PTPRS: variants seen among roughly 807,000 people sequenced by gnomAD.
PTPRS encodes protein tyrosine phosphatase receptor type S.
In PTPRS, 63 loss-of-function variants were observed where a neutral mutation model predicts 215.3. That is an observed-to-expected ratio of 0.29 (90% CI 0.24 to 0.36). The LOEUF (loss-of-function observed/expected upper bound fraction) is 0.36. PTPRS is among the 10% of genes least tolerant of loss of function. The probability of loss-of-function intolerance (pLI) is 1.00; values close to 1 mark genes in which losing one functional copy is unlikely to be tolerated. For missense variants in PTPRS, 2,258 were observed against 2,825.8 expected, an observed-to-expected ratio of 0.80 and a Z score of 4.56; for synonymous variants, 1,404 against 1,191.4, an observed-to-expected ratio of 1.18 and a Z score of -3.68.
intron 1 of PTPRS, among the ~76,000 whole-genome samples, chr19:5,289,166 T>C (rs2048607253): frequency 6.6e-6 from 1 of 152,106 alleles, no homozygotes; most frequent in Admixed American, 6.5e-5. Context: ...GATAGGACCC[T>C]GCACACCCAC....
At chr19:5,211,297 A>C (rs1384202334) in intron 33 of PTPRS, among the ~76,000 whole-genome samples, 1 of 152,212 alleles carries the variant, frequency 6.6e-6, no homozygotes, top group Non-Finnish European at 1.5e-5. Flanking sequence ...CCCAGGCAGT[A>C]CCAGTAGTAC....
chr19:5,296,185 A>G (rs1039402210), intron 1 of PTPRS, among the ~76,000 whole-genome samples: 1 of 152,172 alleles, frequency 6.6e-6, no homozygotes, highest in African/African-American at 2.4e-5. Flanking sequence ...AGGGTGACAC[A>G]TGAGAAACAA....
chr19:5,319,073 A>T (rs1454105578), intron 1 of PTPRS, among the ~76,000 whole-genome samples: 2 of 151,942 alleles, frequency 1.3e-5, no homozygotes, highest in Non-Finnish European at 2.9e-5. Context: ...CTGGCCACTA[A>T]CCCCAGACAT....
chr19:5,340,572 G>C (rs1294985539), intron 1 of PTPRS, 92 bp downstream of exon 1: 1 of 151,062 alleles, frequency 6.6e-6, no homozygotes, highest in Non-Finnish European at 1.5e-5. Context: ...AAGCCGGCGC[G>C]CTGCCCACTC....
At chr19:5,304,727 A>G (rs1442004707) in intron 1 of PTPRS, among the ~76,000 whole-genome samples, 12 of 152,132 alleles carry the variant, frequency 7.9e-5, no homozygotes, top group Admixed American at 7.9e-4. Context: ...GGTGATGTCT[A>G]AGATGAGAAG....
rs371352971 is a variant in PTPRS at position 5,265,321 on chromosome 19, T to C, written c.380-125A>G. 1.2e-3 allele frequency: 1,019 copies of C among 821,760 alleles called. 18 individuals are homozygous for C. In the South Asian group the frequency reaches 0.017, roughly 14 times the overall value. 50.9% of individuals were successfully genotyped at this position (821,760 alleles called of 1,614,324 possible). ...CTCCCTGGCTGCGTGACCTCAGCCA[T>C]GGGTGCCATCCTTTACAGCCAGTTC... is the stretch of plus-strand genomic sequence containing the variant. On this transcript the variant is annotated intron_variant, in intron 4 of 37. Transcript: ENST00000262963.
chr19:5,299,313 C>T (rs866256663), intron 1 of PTPRS, among the ~76,000 whole-genome samples: 1 of 152,262 alleles, frequency 6.6e-6, no homozygotes, highest in Non-Finnish European at 1.5e-5. Context: ...CTACATGGGC[C>T]TCCTCGCTGT....
chr19:5,289,778 G>A (rs2048660464), intron 1 of PTPRS, among the ~76,000 whole-genome samples: 1 of 152,214 alleles, frequency 6.6e-6, no homozygotes, highest in African/African-American at 2.4e-5. Flanking sequence ...ATGAGGAAGA[G>A]CAAGGGGGCA....
At chr19:5,236,850 A>G (rs945364617) in intron 13 of PTPRS, among the ~76,000 whole-genome samples, 76 of 108,660 alleles carry the variant, frequency 7.0e-4, no homozygotes, top group South Asian at 7.5e-4. Context: ...GAGCAGGGGG[A>G]AAAAAAAAAA....
At chr19:5,303,186 CACTCTCTGGG>C (rs1347245086) in intron 1 of PTPRS, among the ~76,000 whole-genome samples, 1 of 152,192 alleles carries the variant, frequency 6.6e-6, no homozygotes, top group Non-Finnish European at 1.5e-5. Flanking sequence ...CAGTCCTCAC[CACTCTCTGGG>C]ACTCAGTTTC....
intron 4 of PTPRS, among the ~76,000 whole-genome samples, chr19:5,272,414 A>T (rs894531300): frequency 6.6e-6 from 1 of 151,674 alleles, no homozygotes; most frequent in South Asian, 2.1e-4. Context: ...CCTGGCCAAC[A>T]TGGTGAAACC....
intron 9 of PTPRS, among the ~76,000 whole-genome samples, chr19:5,249,501 A>G (rs1180806204): frequency 6.6e-6 from 1 of 152,208 alleles, no homozygotes; most frequent in Non-Finnish European, 1.5e-5. Context: ...GAAAGGAAGT[A>G]GTGTAGCCAG....
At chr19:5,332,924 G>A (rs6510850) in intron 1 of PTPRS, among the ~76,000 whole-genome samples, 114,620 of 152,120 alleles carry the variant, frequency 0.75, 44,507 homozygotes, top group African/African-American at 0.94. Context: ...CAAGGCAGGC[G>A]GATCACTTGA....
intron 19 of PTPRS, 103 bp from the exon 20 acceptor site, chr19:5,221,356 C>T (rs527408485): frequency 2.5e-5 from 36 of 1,445,256 alleles, no homozygotes; most frequent in Non-Finnish European, 3.3e-5. Flanking sequence ...CCTGATCCCA[C>T]TGAATCCTGC....
At chr19:5,226,726 G>T (rs568081012) in intron 16 of PTPRS, among the ~76,000 whole-genome samples, 1 of 149,766 alleles carries the variant, frequency 6.7e-6, no homozygotes, top group Non-Finnish European at 1.5e-5. Flanking sequence ...TCCAGCCTGG[G>T]TGACAGAGCA....
intron 1 of PTPRS, chr19:5,286,458 C>T (rs2048359360): frequency 5.3e-6 from 2 of 374,870 alleles, no homozygotes; most frequent in African/African-American, 2.1e-5. Context: ...GAAACCTAGT[C>T]CCCACTATGA....
chr19:5,289,659 C>T lies in PTPRS; in HGVS notation c.-94-3425G>A, dbSNP rs117525217. 2.2e-3 allele frequency among the ~76,000 whole-genome samples: 334 copies of T among 152,354 alleles called. 7 individuals are homozygous for T. In the East Asian group the frequency reaches 0.051, roughly 23 times the overall value. On this transcript the variant is annotated intron_variant, in intron 1 of 37. Transcript: ENST00000262963. ...TTTCTCCAACACCCCAAGTGCAGTC[C>T]AGTCCTGCCCCCGGGCCTTTGCGTG...
chr19:5,222,840 CGGCAGCTCAGTCTCTCG>C lies in PTPRS; in HGVS notation c.2935_2951del (p.Arg979GlyfsTer4). The C allele has an allele frequency of 6.3e-7, 1 of 1,593,900 alleles. No individual in the cohort carries two copies. Among genetic ancestry groups the C allele is most frequent in the Non-Finnish European group, 8.5e-7 (1 of 1,176,464 alleles). On this transcript the variant is annotated frameshift_variant, in exon 18 of 38. Transcript: ENST00000262963. LOFTEE classifies it high-confidence loss of function. ...TCTCCGCGCCCGGCTCAGCCGCTGC[CGGCAGCTCAGTCTCTCG>C]GGCAGGGCCCAGGGCACCGGCCTCC...
At chr19:5,225,483 C>T (rs2042396670) in intron 17 of PTPRS, among the ~76,000 whole-genome samples, 1 of 147,784 alleles carries the variant, frequency 6.8e-6, no homozygotes, top group South Asian at 2.1e-4. Flanking sequence ...TGGCTGTTAA[C>T]TGTTTCTGTC....
Sources: gnomAD v4.1 joint callset for allele counts (sites outside exome capture counted in the v4.1 genomes callset) on GRCh38, gnomAD v4.1.1 for gene constraint, MANE v1.5 for transcripts, NCBI Gene and HGNC (gene_info 2026-07-23, HGNC 2026-07-21) for gene names.